GOT1: variants seen among roughly 807,000 people sequenced by gnomAD.
The protein encoded by GOT1 is glutamic-oxaloacetic transaminase 1.
Under a neutral mutation model 48.2 loss-of-function variants are expected in GOT1, and 25 were observed. The observed-to-expected ratio is 0.52, with a 90% CI of 0.38 to 0.72. GOT1 has a LOEUF of 0.72. Ranked by LOEUF, GOT1 falls within the 30% of genes least tolerant of loss-of-function variation. The pLI is 0.00. For missense variants in GOT1, 380 were observed against 520.1 expected (o/e 0.73, Z 2.62); for synonymous variants, 188 against 193.8 (o/e 0.97, Z 0.25).
chr10:99,412,922 C>T (rs1240686751), intron 2 of GOT1, among the ~76,000 whole-genome samples: 1 of 152,136 alleles, frequency 6.6e-6, no homozygotes, highest in Non-Finnish European at 1.5e-5. Context: ...ACAGAAAGGA[C>T]ATCCACACCA....
At chr10:99,407,507 A>G (rs2134099551) in intron 2 of GOT1, among the ~76,000 whole-genome samples, 1 of 151,596 alleles carries the variant, frequency 6.6e-6, no homozygotes, top group East Asian at 1.9e-4. Flanking sequence ...GTCTCAGCTA[A>G]CTGCAACTTC....
intron 1 of GOT1, among the ~76,000 whole-genome samples, chr10:99,424,284 T>C (rs1202952408): frequency 1.3e-5 from 2 of 152,186 alleles, no homozygotes; most frequent in South Asian, 2.1e-4. Flanking sequence ...ATCATCTCCA[T>C]TGAAAAGAGT....
At chr10:99,426,222 T>G (rs1162604698) in intron 1 of GOT1, among the ~76,000 whole-genome samples, 2 of 152,096 alleles carry the variant, frequency 1.3e-5, no homozygotes, top group Non-Finnish European at 2.9e-5. Flanking sequence ...GCTCCCCAGC[T>G]CCATGCCCCA....
rs2032619670 is a variant in GOT1 at position 99,397,741 on chromosome 10, G to A, written c.1103-55C>T. 1 of 1,535,384 alleles carries A rather than the reference G, an allele frequency of 6.5e-7. No homozygotes were observed. Among genetic ancestry groups the A allele is most frequent in the Non-Finnish European group, 9.0e-7 (1 of 1,110,752 alleles). Reference sequence around the variant, plus strand: ...GAGCAGAGGGGATCCTTAAAGCAGTGGAGGCTCAGCAATTATATGACAATT... The same window carrying A: ...GAGCAGAGGGGATCCTTAAAGCAGTAGAGGCTCAGCAATTATATGACAATT... On this transcript the variant is annotated intron_variant, in intron 8 of 8. Transcript: ENST00000370508. The surrounding 1 kb of genome is among the most constrained non-coding windows in gnomAD (Gnocchi z 5.4).
intron 7 of GOT1, 29 bp downstream of exon 7, chr10:99,403,440 C>G (rs775933560): frequency 1.8e-5 from 29 of 1,587,376 alleles, no homozygotes; most frequent in Middle Eastern, 1.7e-4. Context: ...CTCCCCACCC[C>G]CCGGCCCACC....
intron 8 of GOT1, among the ~76,000 whole-genome samples, chr10:99,401,724 G>A (rs938796017): frequency 1.3e-5 from 2 of 151,824 alleles, no homozygotes; most frequent in South Asian, 2.1e-4. Context: ...GATGGCAGAT[G>A]TGCCCTACTG....
Position 99,406,148 on chromosome 10 carries a change from T to G in GOT1, c.526A>C (p.Asn176His), listed in dbSNP as rs771708711. ...TCTAAATCACCCACCTCCAGATCAT[T>G]CAGGAAGCCCTGGAGGTCCAATCCT... is the stretch of plus-strand genomic sequence containing the variant. Reference protein sequence around the residue: ...KRGLDLQGFLNDLENAPEFSI... With the variant: ...KRGLDLQGFLHDLENAPEFSI... The change falls in exon 4 of 9, where the codon AAT (asparagine) becomes CAT (histidine). Residue 176 changes from asparagine (N) to histidine (H), a missense_variant. Transcript: ENST00000370508. The G allele has an allele frequency of 6.9e-6, 11 of 1,597,878 alleles. No individual in the cohort carries two copies. In the East Asian group the frequency reaches 2.5e-4, roughly 36 times the overall value.
At chr10:99,400,782 A>G (rs978112040) in intron 8 of GOT1, among the ~76,000 whole-genome samples, 5 of 152,110 alleles carry the variant, frequency 3.3e-5, no homozygotes, top group Non-Finnish European at 7.4e-5. Context: ...CTCTACTAAA[A>G]ATACAAAAAT....
intron 2 of GOT1, among the ~76,000 whole-genome samples, chr10:99,418,733 G>C (rs1196798233): frequency 9.2e-5 from 14 of 151,922 alleles, no homozygotes; most frequent in Admixed American, 8.5e-4. Flanking sequence ...GAACTCCTGA[G>C]CTCAAGTAAT....
At chr10:99,409,196 G>T (rs186809640) in intron 2 of GOT1, among the ~76,000 whole-genome samples, 4 of 151,748 alleles carry the variant, frequency 2.6e-5, no homozygotes, top group African/African-American at 9.7e-5. Context: ...GCAGTGGCAC[G>T]ATCTTGGCTT....
chr10:99,413,032 C>A (rs2032847674), intron 2 of GOT1, among the ~76,000 whole-genome samples: 1 of 152,278 alleles, frequency 6.6e-6, no homozygotes, highest in African/African-American at 2.4e-5. Context: ...AATCAGAGTG[C>A]CTCTCCTCCT....
intron 1 of GOT1, among the ~76,000 whole-genome samples, chr10:99,424,094 A>G (rs566124233): frequency 4.6e-5 from 7 of 152,328 alleles, no homozygotes; most frequent in Non-Finnish European, 8.8e-5. Flanking sequence ...ACTTCCAAGT[A>G]AGAGTTGTCC....
intron 2 of GOT1, among the ~76,000 whole-genome samples, chr10:99,415,439 G>C (rs903244344): frequency 6.6e-6 from 1 of 152,218 alleles, no homozygotes; most frequent in East Asian, 1.9e-4. Flanking sequence ...CTGAAATTGA[G>C]GCAGTAATTA....
At chr10:99,417,036 T>A (rs1220726608) in intron 2 of GOT1, among the ~76,000 whole-genome samples, 1 of 152,128 alleles carries the variant, frequency 6.6e-6, no homozygotes, top group African/African-American at 2.4e-5. Flanking sequence ...CTTCATGTCT[T>A]AAACACCAAA....
intron 8 of GOT1, among the ~76,000 whole-genome samples, chr10:99,398,094 C>G (rs1362681681): frequency 6.6e-5 from 10 of 152,164 alleles, no homozygotes; most frequent in Non-Finnish European, 1.5e-5. Flanking sequence ...CCCGCGGCAG[C>G]CTCCCTTTGA....
Position 99,403,869 on chromosome 10 carries a change from C to T in GOT1, c.648G>A (p.Arg216=), listed in dbSNP as rs1474355468. 5.6e-6 allele frequency: 9 copies of T among 1,613,506 alleles called. No individual in the cohort carries two copies. The highest frequency in any genetic ancestry group is 1.7e-5 in the Admixed American group (1 of 60,022). Residue 216 remains arginine (R), a synonymous_variant, in exon 6 of 9, where the codon CGG becomes CGA. Transcript: ENST00000370508. ...CTGAGTCAAAGAAGGGGAACAGAAA[C>T]CGGTGCTGCGGGGAAGCAAAGTGAG... The part of the protein sequence containing the change: ...WKQIASVMKH[R]FLFPFFDSAY...
chr10:99,401,113 T>C (rs866553293), intron 8 of GOT1, among the ~76,000 whole-genome samples: 2 of 152,220 alleles, frequency 1.3e-5, no homozygotes, highest in African/African-American at 4.8e-5. Context: ...TGGGAAGATA[T>C]GGATATTTTA....
At chr10:99,406,325 T>C in intron 3 of GOT1, 76 bp from the exon 4 acceptor site, 2 of 993,188 alleles carry the variant, frequency 2.0e-6, no homozygotes, top group Non-Finnish European at 3.2e-6. Flanking sequence ...CAAGTCAGCT[T>C]CCAGGGCCCT....
chr10:99,416,839 T>G (rs1245437250), intron 2 of GOT1, among the ~76,000 whole-genome samples: 1 of 152,234 alleles, frequency 6.6e-6, no homozygotes, highest in Non-Finnish European at 1.5e-5. Flanking sequence ...AAGGATTCCC[T>G]ATTTAACAAA....
Sources: allele counts gnomAD v4.1 joint callset (sites outside exome capture counted in the v4.1 genomes callset), GRCh38; gene constraint gnomAD v4.1.1; non-coding constraint Gnocchi (gnomAD v3.1); transcripts MANE v1.5; gene names NCBI Gene and HGNC (gene_info 2026-07-23, HGNC 2026-07-21).